FOXP1: variants seen among roughly 807,000 people sequenced by gnomAD.
The protein encoded by FOXP1 is forkhead box protein P1.
Under a neutral mutation model 98.2 loss-of-function variants are expected in FOXP1, and 15 were observed. The ratio of observed to expected loss-of-function variants is 0.15; its 90% CI spans 0.10 to 0.24. The LOEUF (loss-of-function observed/expected upper bound fraction) is 0.24. Among genes scored for constraint, FOXP1 ranks in the 10% least tolerant of loss-of-function variants. The pLI is 1.00. For missense variants in FOXP1, 633 were observed against 848.5 expected (o/e 0.75, Z 3.15); for synonymous variants, 371 against 314.5 (o/e 1.18, Z -1.90).
At chr3:71,025,296 T>C (rs1219511710) in intron 11 of FOXP1, among the ~76,000 whole-genome samples, 2 of 152,108 alleles carry the variant, frequency 1.3e-5, no homozygotes, top group Admixed American at 6.5e-5. Context: ...TCGAACTTTA[T>C]TACAGATATA....
intron 6 of FOXP1, among the ~76,000 whole-genome samples, chr3:71,118,354 A>G (rs1171131119): frequency 1.3e-5 from 2 of 152,228 alleles, no homozygotes; most frequent in Non-Finnish European, 2.9e-5. Context: ...ACATTCTAAG[A>G]TCATAGCAGG....
At chr3:71,349,227 G>C (rs557911884) in intron 4 of FOXP1, among the ~76,000 whole-genome samples, 1 of 152,138 alleles carries the variant, frequency 6.6e-6, no homozygotes, top group African/African-American at 2.4e-5. Context: ...CCTAGTGAAA[G>C]ATAATGTGAT....
At chr3:71,088,393 G>GTTTTGTTTTTTTT (rs1553730902) in intron 7 of FOXP1, among the ~76,000 whole-genome samples, 1 of 120,150 alleles carries the variant, frequency 8.3e-6, no homozygotes. Flanking sequence ...ACATTGTTTT[G>GTTTTGTTTTTTTT]TTTTTTGTTT....
At chr3:71,102,443 A>C (rs2057046738) in intron 7 of FOXP1, among the ~76,000 whole-genome samples, 1 of 152,218 alleles carries the variant, frequency 6.6e-6, no homozygotes, top group Non-Finnish European at 1.5e-5. Flanking sequence ...ATACAAAAAC[A>C]GTTACTAGGC....
At chr3:71,015,980 A>G (rs910549295) in intron 11 of FOXP1, among the ~76,000 whole-genome samples, 18 of 152,304 alleles carry the variant, frequency 1.2e-4, no homozygotes, top group African/African-American at 3.8e-4. Flanking sequence ...TAATCTACAT[A>G]ATGAAAATTA....
intron 5 of FOXP1, among the ~76,000 whole-genome samples, chr3:71,214,827 C>T (rs143022045): frequency 2.0e-5 from 3 of 152,152 alleles, no homozygotes; most frequent in Admixed American, 2.0e-4. Flanking sequence ...CAAGAGTAGA[C>T]CCCTGTGGCA....
chr3:71,344,924 T>C (rs1240855056), intron 4 of FOXP1, among the ~76,000 whole-genome samples: 1 of 152,202 alleles, frequency 6.6e-6, no homozygotes, highest in Middle Eastern at 3.2e-3. Context: ...GAACATTACT[T>C]AGTGCTAAGA....
At chr3:71,570,580 G>A (rs1246400620) in intron 2 of FOXP1, 1 of 152,206 alleles carries the variant, frequency 6.6e-6, no homozygotes, top group Non-Finnish European at 1.5e-5. Context: ...ACCCACAGGT[G>A]TTCGAAAATA....
At chr3:71,329,794 C>T (rs548203422) in intron 4 of FOXP1, 5 of 152,208 alleles carry the variant, frequency 3.3e-5, no homozygotes, top group East Asian at 3.9e-4. Flanking sequence ...TGGAAGAATT[C>T]GCAGCATACA....
At chr3:71,329,101 C>T (rs1316379482) in intron 4 of FOXP1, among the ~76,000 whole-genome samples, 1 of 151,922 alleles carries the variant, frequency 6.6e-6, no homozygotes, top group Admixed American at 6.6e-5. Flanking sequence ...CGCCTGGTGC[C>T]CTTTGATCCA....
intron 3 of FOXP1, among the ~76,000 whole-genome samples, chr3:71,433,502 A>G (rs1269473892): frequency 6.6e-6 from 1 of 152,238 alleles, no homozygotes; most frequent in Non-Finnish European, 1.5e-5. Context: ...AGTATCTGAC[A>G]TCACACATCA....
intron 5 of FOXP1, among the ~76,000 whole-genome samples, chr3:71,290,658 G>A (rs1396711640): frequency 6.6e-6 from 1 of 152,152 alleles, no homozygotes; most frequent in East Asian, 1.9e-4. Flanking sequence ...GCCCTACTCA[G>A]TCTGGCCCTG....
chr3:70,983,341 C>T (rs1029074649), intron 14 of FOXP1, among the ~76,000 whole-genome samples: 4 of 152,016 alleles, frequency 2.6e-5, no homozygotes, highest in South Asian at 2.1e-4. Context: ...TGTATTGTGC[C>T]TAAGAATCCC....
At chr3:71,082,485 G>A (rs1179120069) in intron 7 of FOXP1, among the ~76,000 whole-genome samples, 1 of 151,674 alleles carries the variant, frequency 6.6e-6, no homozygotes, top group Non-Finnish European at 1.5e-5. Context: ...AGGGGGTGGG[G>A]GGTAGGGGAG....
At chr3:71,266,497 C>A (rs1481902602) in intron 5 of FOXP1, among the ~76,000 whole-genome samples, 2 of 152,190 alleles carry the variant, frequency 1.3e-5, no homozygotes, top group Non-Finnish European at 2.9e-5. Flanking sequence ...AGTGATCTGC[C>A]CACCTCAGCT....
At position 71,185,327 on chromosome 3, in the gene FOXP1, G is replaced by T. The variant is rs369452841; in HGVS notation, c.180+12875C>A. ...GGGAAAGAAGAAAAGTTGGAAGGGA[G>T]AAAATACAAGGGCAACACCATCTCT... On this transcript the variant is annotated intron_variant, in intron 6 of 20. Coordinates refer to ENST00000649528, the MANE Select transcript of FOXP1 (RefSeq NM_001349338.3). 2.3e-3 allele frequency among the ~76,000 whole-genome samples: 351 copies of T among 152,292 alleles called. 1 individual carries two copies. The highest frequency in any genetic ancestry group is 4.0e-3 in the Non-Finnish European group (272 of 68,026).
chr3:71,047,572 A>C (rs1310593587), intron 9 of FOXP1, among the ~76,000 whole-genome samples: 3 of 152,218 alleles, frequency 2.0e-5, no homozygotes. Context: ...AAAAAATCAG[A>C]CCTTTGAAGA....
At chr3:71,317,239 T>C (rs2075131970) in intron 4 of FOXP1, among the ~76,000 whole-genome samples, 1 of 152,208 alleles carries the variant, frequency 6.6e-6, no homozygotes, top group Non-Finnish European at 1.5e-5. Flanking sequence ...TTCCCATTAT[T>C]ATTTCCTTCA....
intron 3 of FOXP1, among the ~76,000 whole-genome samples, chr3:71,476,299 CTTTTT>C (rs764472343): frequency 1.4e-5 from 2 of 144,722 alleles, no homozygotes; most frequent in Non-Finnish European, 3.0e-5. Context: ...TCATCAAGTT[CTTTTT>C]TTTTTTTTTG....
Sources: gnomAD v4.1 joint callset for allele counts (sites outside exome capture counted in the v4.1 genomes callset) on GRCh38, gnomAD v4.1.1 for gene constraint, MANE v1.5 for transcripts, NCBI Gene and HGNC (gene_info 2026-07-23, HGNC 2026-07-21) for gene names.